RRAS2: variants seen among roughly 807,000 people sequenced by gnomAD.
RRAS2 encodes RAS related 2, also known as ras-related protein R-Ras2.
RRAS2 carries 7 observed loss-of-function variants against 27.6 expected under a neutral mutation model. That is an observed-to-expected ratio of 0.25 (90% CI 0.14 to 0.48). The LOEUF is 0.48. RRAS2 is among the 20% of genes least tolerant of loss of function. The pLI is 0.99. For synonymous variants in RRAS2, 86 were observed against 90.9 expected, an observed-to-expected ratio of 0.95 and a Z score of 0.31; for missense variants, 178 against 256.2, an observed-to-expected ratio of 0.69 and a Z score of 2.08.
chr11:14,350,601 G>A (rs1174318883), intron 1 of RRAS2, among the ~76,000 whole-genome samples: 1 of 152,072 alleles, frequency 6.6e-6, no homozygotes, highest in East Asian at 1.9e-4. Flanking sequence ...TTCCTTTAGG[G>A]CAGGGGTGTC....
At chr11:14,305,854 G>A (rs1053014477) in intron 1 of RRAS2, among the ~76,000 whole-genome samples, 3 of 152,020 alleles carry the variant, frequency 2.0e-5, no homozygotes, top group Admixed American at 2.0e-4. Context: ...AGACCAGCTG[G>A]GCAACACAGT....
chr11:14,360,195 T>TA (rs71041599), upstream of RRAS2, among the ~76,000 whole-genome samples: 280 of 139,576 alleles, frequency 2.0e-3, 1 homozygote, highest in African/African-American at 2.7e-3. Flanking sequence ...ACATGCCATT[T>TA]AAAAAAAAAA....
intron 1 of RRAS2, among the ~76,000 whole-genome samples, chr11:14,327,208 T>C (rs1047305241): frequency 1.3e-5 from 2 of 152,192 alleles, no homozygotes; most frequent in South Asian, 2.1e-4. Flanking sequence ...TAAGATGCAA[T>C]ATGCATACAT....
intron 4 of RRAS2, among the ~76,000 whole-genome samples, chr11:14,293,643 C>T (rs528555771): frequency 4.6e-5 from 7 of 152,260 alleles, no homozygotes; most frequent in South Asian, 2.1e-4. Flanking sequence ...TCATGTAAGA[C>T]GTGTCTTTGC....
intron 1 of RRAS2, among the ~76,000 whole-genome samples, chr11:14,319,600 C>T (rs1201795186): frequency 4.0e-5 from 6 of 151,884 alleles, no homozygotes; most frequent in African/African-American, 1.5e-4. Context: ...CCTCATGATC[C>T]ACCCGCCTCA....
At chr11:14,363,165 G>A (rs1387101769), upstream of RRAS2, among the ~76,000 whole-genome samples, 1 of 152,152 alleles carries the variant, frequency 6.6e-6, no homozygotes, top group African/African-American at 2.4e-5. Flanking sequence ...TACTGACTGC[G>A]TTTTAGAAAA....
rs2303972 is a variant in RRAS2 at position 14,281,736 on chromosome 11, T to C, written c.409-16A>G. 6.4e-7 allele frequency: 1 copy of C among 1,565,198 alleles called. No homozygotes were observed. Among genetic ancestry groups the C allele is most frequent in the Admixed American group, 1.8e-5 (1 of 55,288 alleles). On this transcript the variant is annotated splice_polypyrimidine_tract_variant and intron_variant, in intron 4 of 5. Transcript: ENST00000256196. Reference sequence around the variant, plus strand: ...CCTGTGTTACCTGAAATTCCAACAGTTATGTTTATGGTACATTATTAACAA... The same window carrying C: ...CCTGTGTTACCTGAAATTCCAACAGCTATGTTTATGGTACATTATTAACAA...
rs1171193276 is a variant in RRAS2 at position 14,359,124 on chromosome 11, C to T, written c.-254G>A. On this transcript the variant is annotated 5_prime_UTR_variant, in exon 1 of 6. Coordinates refer to ENST00000256196, the MANE Select transcript of RRAS2 (RefSeq NM_012250.6). ...GGCAGCGGCCGGGGGGCGCGCTCCT[C>T]TACGCGTCTCCGCAGCGCCTGCCGA... 2 of 1,046,192 alleles carry T rather than the reference C, an allele frequency of 1.9e-6. No individual in the cohort carries two copies. Among genetic ancestry groups the T allele is most frequent in the Non-Finnish European group, 2.3e-6 (2 of 870,372 alleles). 64.8% of individuals were successfully genotyped at this position (1,046,192 alleles called of 1,614,324 possible).
intron 1 of RRAS2, among the ~76,000 whole-genome samples, chr11:14,321,829 T>C (rs564030487): frequency 1.3e-5 from 2 of 152,330 alleles, no homozygotes; most frequent in African/African-American, 4.8e-5. Flanking sequence ...AACCCAATAA[T>C]GCATTTAAAA....
intron 1 of RRAS2, among the ~76,000 whole-genome samples, chr11:14,316,626 C>T (rs1554949592): frequency 6.6e-6 from 1 of 152,054 alleles, no homozygotes; most frequent in Admixed American, 6.6e-5. Context: ...CTCTGTAGTC[C>T]TAGCTAATTG....
At chr11:14,298,383 G>A (rs1045322763) in intron 1 of RRAS2, among the ~76,000 whole-genome samples, 19 of 152,164 alleles carry the variant, frequency 1.2e-4, no homozygotes, top group Non-Finnish European at 2.4e-4. Flanking sequence ...AGTTCTTGGC[G>A]TTGTGAGATT....
intron 1 of RRAS2, among the ~76,000 whole-genome samples, chr11:14,303,976 A>G (rs1847772520): frequency 6.6e-6 from 1 of 152,090 alleles, no homozygotes; most frequent in Non-Finnish European, 1.5e-5. Context: ...TTCCATGGGT[A>G]CCTTCCTCCT....
chr11:14,319,592 T>C (rs1461901856), intron 1 of RRAS2, among the ~76,000 whole-genome samples: 1 of 150,858 alleles, frequency 6.6e-6, no homozygotes, highest in African/African-American at 2.4e-5. Flanking sequence ...TCTCCTGACC[T>C]CATGATCCAC....
chr11:14,293,161 A>C (rs1355333096), intron 4 of RRAS2, among the ~76,000 whole-genome samples: 1 of 126,724 alleles, frequency 7.9e-6, no homozygotes, highest in Non-Finnish European at 1.7e-5. Context: ...ATATATATAT[A>C]TCATTTTCTC....
At chr11:14,287,871 CAAAA>C (rs34954723) in intron 4 of RRAS2, among the ~76,000 whole-genome samples, 2 of 119,004 alleles carry the variant, frequency 1.7e-5, no homozygotes, top group Non-Finnish European at 3.5e-5. Context: ...GACTCTGTCT[CAAAA>C]AAAAAAAAAA....
chr11:14,345,867 C>A (rs1435895533), intron 1 of RRAS2, among the ~76,000 whole-genome samples: 2 of 152,086 alleles, frequency 1.3e-5, no homozygotes, highest in African/African-American at 4.8e-5. Context: ...TCTCAGTACC[C>A]CAAGGCAATT....
chr11:14,298,123 G>A (rs1554946928), intron 1 of RRAS2, among the ~76,000 whole-genome samples: 1 of 152,066 alleles, frequency 6.6e-6, no homozygotes. Flanking sequence ...ACAGGAATCA[G>A]CAGTCTTTCA....
chr11:14,355,404 G>A (rs1233931837), intron 1 of RRAS2, among the ~76,000 whole-genome samples: 12 of 152,046 alleles, frequency 7.9e-5, no homozygotes, highest in African/African-American at 2.2e-4. Context: ...CCTACCAACA[G>A]AACTTTACAC....
chr11:14,293,588 G>A (rs1463024901), intron 4 of RRAS2, among the ~76,000 whole-genome samples: 2 of 151,950 alleles, frequency 1.3e-5, no homozygotes, highest in Non-Finnish European at 2.9e-5. Flanking sequence ...AGATCTGATG[G>A]TTTTATAAAG....
Sources: gnomAD v4.1 joint callset for allele counts (sites outside exome capture counted in the v4.1 genomes callset) on GRCh38, gnomAD v4.1.1 for gene constraint, MANE v1.5 for transcripts, NCBI Gene and HGNC (gene_info 2026-07-23, HGNC 2026-07-21) for gene names.